The following PTPRD variants were observed in gnomAD, a reference collection of about 807,000 sequenced individuals.
PTPRD encodes the protein protein tyrosine phosphatase receptor type D.
In PTPRD, 34 loss-of-function variants were observed where a neutral mutation model predicts 214.5. The ratio of observed to expected loss-of-function variants is 0.16; its 90% CI spans 0.12 to 0.21. The LOEUF is 0.21. Ranked by LOEUF, PTPRD falls within the 10% of genes least tolerant of loss-of-function variation. PTPRD has a pLI of 1.00. For missense variants in PTPRD, 2,545 were observed against 2,398.7 expected, an observed-to-expected ratio of 1.06 and a Z score of -1.27; for synonymous variants, 1,128 against 845.7, an observed-to-expected ratio of 1.33 and a Z score of -5.79.
At chr9:9,143,917 G>T (rs943395926) in intron 10 of PTPRD, among the ~76,000 whole-genome samples, 1 of 152,184 alleles carries the variant, frequency 6.6e-6, no homozygotes, top group Non-Finnish European at 1.5e-5. Context: ...TACATGTTTT[G>T]TGAGGTTTTC....
chr9:8,858,690 C>T lies in PTPRD; in HGVS notation c.-103-124744G>A, dbSNP rs543732328. ...GCGCCCGGACGCGGGGAGAGCTGGG[C>T]CCGCTGCGCCCGCTGGCGAATCCCT... On this transcript the variant is annotated intron_variant, in intron 11 of 45. Transcript: ENST00000381196. 7.2e-3 allele frequency among the ~76,000 whole-genome samples: 203 copies of T among 28,224 alleles called. 1 individual carries two copies. Among genetic ancestry groups the T allele is most frequent in the African/African-American group, 0.019 (197 of 10,138 alleles). 18.5% of individuals were successfully genotyped at this position (28,224 alleles called of 152,430 possible).
chr9:9,701,144 A>C (rs2097492221), intron 7 of PTPRD, among the ~76,000 whole-genome samples: 1 of 152,154 alleles, frequency 6.6e-6, no homozygotes, highest in South Asian at 2.1e-4. Flanking sequence ...AGATGTGTAT[A>C]ACCCATTCTT....
chr9:9,362,471 G>A (rs1305601228), intron 9 of PTPRD, among the ~76,000 whole-genome samples: 1 of 151,172 alleles, frequency 6.6e-6, no homozygotes, highest in African/African-American at 2.4e-5. Flanking sequence ...GTTCAAGGAT[G>A]AAATGTATGA....
chr9:10,064,004 C>G (rs2097829382), intron 3 of PTPRD, among the ~76,000 whole-genome samples: 1 of 151,676 alleles, frequency 6.6e-6, no homozygotes, highest in Admixed American at 6.6e-5. Context: ...GTTCCCTAAC[C>G]CTTCATATAT....
intron 35 of PTPRD, among the ~76,000 whole-genome samples, chr9:8,412,105 T>G (rs1193732349): frequency 6.6e-6 from 1 of 152,156 alleles, no homozygotes; most frequent in Non-Finnish European, 1.5e-5. Flanking sequence ...GTATGATATT[T>G]AATAATTAAA....
chr9:9,127,824 G>A (rs1054296147), intron 10 of PTPRD, among the ~76,000 whole-genome samples: 1 of 152,072 alleles, frequency 6.6e-6, no homozygotes, highest in African/African-American at 2.4e-5. Flanking sequence ...AAGAGGTGAT[G>A]CCTACAGACA....
intron 3 of PTPRD, among the ~76,000 whole-genome samples, chr9:10,060,623 G>T (rs973139418): frequency 2.0e-5 from 3 of 151,712 alleles, no homozygotes; most frequent in Non-Finnish European, 4.4e-5. Context: ...ATTTTTAATT[G>T]CCACCAACCT....
rs559455727 is a variant in PTPRD, at chr9:8,676,378, ATTTTTTT to A, written c.65-39541_65-39535del. Among the ~76,000 whole-genome samples the A allele has an allele frequency of 1.6e-4, 18 of 111,610 alleles. No individual in the cohort carries two copies. In the South Asian group the frequency reaches 3.0e-3, roughly 18 times the overall value. The allele number at this position is 111,610 out of a possible 152,430, so 73.2% of individuals were successfully genotyped here. On this transcript the variant is annotated intron_variant, in intron 12 of 45. Coordinates refer to ENST00000381196, the MANE Select transcript of PTPRD (RefSeq NM_002839.4). ...CACAGCCAAACATTAGCTCATTTTCATTTTTTTTTTTTTTTTTTTTTTTAGATGGAGT... is the reference window on the plus strand; with the variant it reads ...CACAGCCAAACATTAGCTCATTTTCATTTTTTTTTTTTTTTTAGATGGAGT...
intron 10 of PTPRD, among the ~76,000 whole-genome samples, chr9:9,080,015 A>C (rs2099756804): frequency 6.6e-6 from 1 of 152,072 alleles, no homozygotes; most frequent in African/African-American, 2.4e-5. Context: ...GAACATTCTA[A>C]ATTCAGTTAT....
intron 5 of PTPRD, among the ~76,000 whole-genome samples, chr9:9,875,291 C>T (rs1339654494): frequency 6.6e-6 from 1 of 152,002 alleles, no homozygotes; most frequent in Non-Finnish European, 1.5e-5. Context: ...CAGTTAGGTA[C>T]TGATATTGCT....
chr9:8,324,349 C>A (rs1327417789), intron 44 of PTPRD, among the ~76,000 whole-genome samples: 1 of 151,996 alleles, frequency 6.6e-6, no homozygotes, highest in Non-Finnish European at 1.5e-5. Flanking sequence ...GAATATGCGG[C>A]GTTTGATTTT....
intron 10 of PTPRD, among the ~76,000 whole-genome samples, chr9:9,147,365 T>C (rs1421215781): frequency 1.3e-5 from 2 of 152,034 alleles, no homozygotes; most frequent in African/African-American, 4.8e-5. Context: ...TTTTTAAAAT[T>C]TTTATTCTAT....
intron 12 of PTPRD, among the ~76,000 whole-genome samples, chr9:8,689,658 G>A (rs1332474571): frequency 1.3e-5 from 2 of 152,050 alleles, no homozygotes; most frequent in Non-Finnish European, 2.9e-5. Context: ...CTCACACATG[G>A]GAATTATAGG....
intron 8 of PTPRD, among the ~76,000 whole-genome samples, chr9:9,515,204 T>C (rs184136068): frequency 1.0e-3 from 159 of 152,256 alleles, no homozygotes; most frequent in African/African-American, 3.7e-3. Flanking sequence ...CTTCAATCTA[T>C]GCCTGTAGCT....
chr9:10,082,836 CACAA>C (rs1245565700), intron 3 of PTPRD, among the ~76,000 whole-genome samples: 4 of 136,630 alleles, frequency 2.9e-5, no homozygotes, highest in South Asian at 4.4e-4. Flanking sequence ...CACACACACA[CACAA>C]ACACACACAC....
intron 35 of PTPRD, among the ~76,000 whole-genome samples, chr9:8,431,140 T>A (rs1308344130): frequency 6.6e-6 from 1 of 152,172 alleles, no homozygotes; most frequent in African/African-American, 2.4e-5. Context: ...CCAATGTGTG[T>A]CACCACAACA....
intron 14 of PTPRD, among the ~76,000 whole-genome samples, chr9:8,630,137 T>A (rs2096204146): frequency 6.6e-6 from 1 of 151,778 alleles, no homozygotes; most frequent in South Asian, 2.1e-4. Context: ...AGCTGGCACA[T>A]TTTTGGCATT....
chr9:9,025,471 C>T (rs1488736794), intron 10 of PTPRD, among the ~76,000 whole-genome samples: 1 of 152,008 alleles, frequency 6.6e-6, no homozygotes, highest in East Asian at 1.9e-4. Context: ...TAGACTTTGA[C>T]TTAGACATTC....
chr9:9,545,628 T>C (rs954840231), intron 8 of PTPRD, among the ~76,000 whole-genome samples: 2 of 151,894 alleles, frequency 1.3e-5, no homozygotes, highest in African/African-American at 4.8e-5. Flanking sequence ...GTAACTACTC[T>C]TGGTCTATTC....
Sources: allele counts gnomAD v4.1 joint callset (sites outside exome capture counted in the v4.1 genomes callset), GRCh38; gene constraint gnomAD v4.1.1; transcripts MANE v1.5; gene names NCBI Gene and HGNC (gene_info 2026-07-23, HGNC 2026-07-21).